Variants in CCDC60 observed in about 807,000 individuals in gnomAD.
The protein encoded by CCDC60 is coiled-coil domain containing 60.
A neutral mutation model predicts 63.5 loss-of-function variants in CCDC60; 54 were observed. The observed-to-expected ratio is 0.85, with a 90% CI of 0.68 to 1.07. The LOEUF (loss-of-function observed/expected upper bound fraction) is 1.07, where lower values mean the gene tolerates loss of function less well. Ranked by LOEUF, CCDC60 falls within the 50% of genes least tolerant of loss-of-function variation. The pLI is 0.00. For synonymous variants in CCDC60, 206 were observed against 238.8 expected, an observed-to-expected ratio of 0.86 and a Z score of 1.27; for missense variants, 651 against 684.3, an observed-to-expected ratio of 0.95 and a Z score of 0.54.
chr12:119,403,664 C>CACGAT (rs1454089244), intron 1 of CCDC60, among the ~76,000 whole-genome samples: 1 of 151,958 alleles, frequency 6.6e-6, no homozygotes, highest in Non-Finnish European at 1.5e-5. Context: ...TCATGACTGG[C>CACGAT]CCTTTCTACC....
chr12:119,441,089 C>T lies in CCDC60; in HGVS notation c.170+12327C>T, dbSNP rs138620024. Among the ~76,000 whole-genome samples, 764 of 152,298 alleles carry T rather than the reference C, an allele frequency of 5.0e-3. 5 individuals carry two copies. The highest frequency in any genetic ancestry group is 0.02 in the Middle Eastern group (6 of 294). ...CTGTGGGGCTGCAGGCAGAGCTCAG[C>T]ACCAGGTCCAGTGTATTCACCAGAT... On this transcript the variant is annotated intron_variant, in intron 2 of 13. Coordinates refer to ENST00000327554, the MANE Select transcript of CCDC60 (RefSeq NM_178499.5).
At chr12:119,489,619 G>A (rs1376433926) in intron 5 of CCDC60, among the ~76,000 whole-genome samples, 1 of 152,114 alleles carries the variant, frequency 6.6e-6, no homozygotes, top group African/African-American at 2.4e-5. Context: ...CTTTAAGAAG[G>A]GTCAGGTTGT....
At chr12:119,351,442 T>G (rs1407475182) in intron 1 of CCDC60, among the ~76,000 whole-genome samples, 1 of 152,222 alleles carries the variant, frequency 6.6e-6, no homozygotes, top group Admixed American at 6.5e-5. Flanking sequence ...AATTGGCTCA[T>G]GGCTCTGCAG....
chr12:119,504,109 C>T (rs753542228), intron 6 of CCDC60, among the ~76,000 whole-genome samples: 3 of 151,996 alleles, frequency 2.0e-5, no homozygotes, highest in Non-Finnish European at 2.9e-5. Context: ...AGGGCATTTT[C>T]GATGTCACTG....
At position 119,339,795 on chromosome 12, in the gene CCDC60, G is replaced by A. The variant is rs934625870; in HGVS notation, c.90+4529G>A. Reference sequence around the variant, plus strand: ...TATACTCCAGCCGGGGTGACAGAGCGAGATCCTGTCTCAATAAATCAACCA... The same window carrying A: ...TATACTCCAGCCGGGGTGACAGAGCAAGATCCTGTCTCAATAAATCAACCA... On this transcript the variant is annotated intron_variant, in intron 1 of 13. Coordinates refer to ENST00000327554, the MANE Select transcript of CCDC60 (RefSeq NM_178499.5). 5.3e-5 allele frequency among the ~76,000 whole-genome samples: 8 copies of A among 152,102 alleles called. No individual in the cohort carries two copies. The East Asian group carries it at 5.8e-4, about 11-fold the overall frequency.
intron 2 of CCDC60, among the ~76,000 whole-genome samples, chr12:119,464,752 G>A (rs1245728041): frequency 2.6e-5 from 4 of 152,088 alleles, no homozygotes; most frequent in Admixed American, 2.6e-4. Flanking sequence ...AAGCTACACT[G>A]GACAAGGATT....
intron 1 of CCDC60, among the ~76,000 whole-genome samples, chr12:119,380,405 A>G (rs1439977820): frequency 6.6e-6 from 1 of 152,204 alleles, no homozygotes; most frequent in Non-Finnish European, 1.5e-5. Flanking sequence ...TGGAGAGCAG[A>G]TTGTTAAGCA....
In CCDC60 at chr12:119,456,037, AAG is replaced by A. The variant is rs1183342554; in HGVS notation, c.171-15955_171-15954del. ...AAAGAAAGAAAGAAAGAAAGAAAGA[AAG>A]AAAGAAAGAAAGAAAGAAAGAAAGC... On this transcript the variant is annotated intron_variant, in intron 2 of 13. Coordinates refer to ENST00000327554, the MANE Select transcript of CCDC60 (RefSeq NM_178499.5). The surrounding 1 kb of genome is among the most constrained non-coding windows in gnomAD (Gnocchi z 4.6). 6.9e-6 allele frequency among the ~76,000 whole-genome samples: 1 copy of A among 145,346 alleles called. No homozygotes were observed. The highest frequency in any genetic ancestry group is 1.5e-5 in the Non-Finnish European group (1 of 66,370).
intron 3 of CCDC60, among the ~76,000 whole-genome samples, chr12:119,474,391 T>A (rs192083829): frequency 5.1e-4 from 78 of 152,342 alleles, no homozygotes; most frequent in Non-Finnish European, 1.0e-3. Flanking sequence ...AATGTTAATT[T>A]ACAGAATGTG....
chr12:119,464,395 C>T (rs1950914956), intron 2 of CCDC60, among the ~76,000 whole-genome samples: 2 of 150,062 alleles, frequency 1.3e-5, no homozygotes, highest in African/African-American at 4.9e-5. Context: ...TCCTTCCCTC[C>T]CCTTTCCTCT....
rs951854349 is a variant in CCDC60, at chr12:119,390,680, T to C, written c.91-38003T>C. On this transcript the variant is annotated intron_variant, in intron 1 of 13. Transcript: ENST00000327554. ...GCAAGGAATCACTTGGAGATCCTTG[T>C]GGAAATGCAGATTTGAATTCAGCAG... 5.9e-5 allele frequency among the ~76,000 whole-genome samples: 9 copies of C among 152,176 alleles called. No homozygotes were observed. The East Asian group carries it at 1.7e-3, about 29-fold the overall frequency.
At chr12:119,427,852 A>G (rs1956928352) in intron 1 of CCDC60, among the ~76,000 whole-genome samples, 1 of 152,234 alleles carries the variant, frequency 6.6e-6, no homozygotes, top group Non-Finnish European at 1.5e-5. Context: ...TAATTTGCCA[A>G]GTATGATGGC....
At chr12:119,470,302 C>T (rs960360038) in intron 2 of CCDC60, among the ~76,000 whole-genome samples, 13 of 152,218 alleles carry the variant, frequency 8.5e-5, no homozygotes, top group Admixed American at 7.9e-4. Flanking sequence ...GGGTGTTCTT[C>T]CTCCATGACA....
intron 1 of CCDC60, among the ~76,000 whole-genome samples, chr12:119,371,142 G>A (rs1955893839): frequency 1.3e-5 from 2 of 152,190 alleles, no homozygotes; most frequent in South Asian, 4.1e-4. Context: ...CATTTCTTGA[G>A]ACAGCCTTGT....
intron 2 of CCDC60, among the ~76,000 whole-genome samples, chr12:119,461,109 C>T (rs543883010): frequency 2.6e-5 from 4 of 152,168 alleles, no homozygotes; most frequent in African/African-American, 9.6e-5. Flanking sequence ...ATTTACCTAA[C>T]CTTTTCTCTG....
intron 2 of CCDC60, among the ~76,000 whole-genome samples, chr12:119,439,134 A>T (rs547293547): frequency 7.6e-6 from 1 of 131,146 alleles, no homozygotes; most frequent in Admixed American, 8.4e-5. Context: ...AACAGTATAT[A>T]CATCCCTTTT....
intron 1 of CCDC60, among the ~76,000 whole-genome samples, chr12:119,344,849 TCTCTCTCACACACA>T (rs1301713645): frequency 1.8e-5 from 2 of 109,574 alleles, no homozygotes; most frequent in Non-Finnish European, 3.7e-5. Context: ...TCTCTCTCTC[TCTCTCTCACACACA>T]CACACACACA....
chr12:119,385,703 T>C (rs1956052876), intron 1 of CCDC60, among the ~76,000 whole-genome samples: 1 of 152,236 alleles, frequency 6.6e-6, no homozygotes, highest in Non-Finnish European at 1.5e-5. Flanking sequence ...GGAGTCTCTG[T>C]TCCCAGTCTC....
At chr12:119,405,433 C>T (rs911562658) in intron 1 of CCDC60, among the ~76,000 whole-genome samples, 4 of 152,228 alleles carry the variant, frequency 2.6e-5, no homozygotes, top group Non-Finnish European at 4.4e-5. Context: ...ATGGATATTA[C>T]AAGGCTTGTT....
Sources: allele counts gnomAD v4.1 joint callset (sites outside exome capture counted in the v4.1 genomes callset), GRCh38; gene constraint gnomAD v4.1.1; non-coding constraint Gnocchi (gnomAD v3.1); transcripts MANE v1.5; gene names NCBI Gene and HGNC (gene_info 2026-07-23, HGNC 2026-07-21).